Variants in KATNAL2 observed in about 807,000 individuals in gnomAD.
KATNAL2 encodes the protein katanin catalytic subunit A1 like 2, also known as katanin p60 ATPase-containing subunit A-like 2.
KATNAL2 carries 52 observed loss-of-function variants against 76.3 expected under a neutral mutation model. That is an observed-to-expected ratio of 0.68 (90% confidence interval 0.55 to 0.86). The LOEUF is 0.86. Among genes scored for constraint, KATNAL2 ranks in the 40% least tolerant of loss-of-function variants. The pLI, the probability that KATNAL2 is intolerant of heterozygous loss-of-function variation, is 0.00. For missense variants in KATNAL2, 660 were observed against 668.9 expected, an observed-to-expected ratio of 0.99 and a Z score of 0.15; for synonymous variants, 243 against 244.2, an observed-to-expected ratio of 1.00 and a Z score of 0.05.
At chr18:47,032,147 G>T (rs867544366) in intron 3 of KATNAL2, among the ~76,000 whole-genome samples, 3 of 152,216 alleles carry the variant, frequency 2.0e-5, no homozygotes, top group Non-Finnish European at 4.4e-5. Context: ...TGAAAAGTTT[G>T]GGAATGATTC....
intron 10 of KATNAL2, among the ~76,000 whole-genome samples, 166 bp from the exon 11 acceptor site, chr18:47,066,855 A>G (rs1159101282): frequency 1.9e-5 from 1 of 52,396 alleles, no homozygotes; most frequent in East Asian, 7.8e-4. Flanking sequence ...GTTTATATAT[A>G]TATATATATA....
At chr18:47,087,754 G>C (rs759434750) in intron 15 of KATNAL2, among the ~76,000 whole-genome samples, 21 of 44,842 alleles carry the variant, frequency 4.7e-4, no homozygotes, top group Non-Finnish European at 9.4e-4. Context: ...TTTTACATCT[G>C]TGTGTGTGTG....
chr18:46,961,257 G>C (rs1380270186), intron 3 of KATNAL2, among the ~76,000 whole-genome samples: 1 of 135,774 alleles, frequency 7.4e-6, no homozygotes, highest in African/African-American at 2.7e-5. Flanking sequence ...CTTTCCTCAC[G>C]TCTTAAAAAC....
chr18:47,035,314 T>C, intron 3 of KATNAL2: 1 of 1,610,156 alleles, frequency 6.2e-7, no homozygotes, highest in South Asian at 1.1e-5. Flanking sequence ...CAGCTCTGTC[T>C]TTGGGGCTGC....
chr18:47,093,563 GCT>G (rs2063101202), intron 15 of KATNAL2, among the ~76,000 whole-genome samples: 1 of 151,714 alleles, frequency 6.6e-6, no homozygotes, highest in Non-Finnish European at 1.5e-5. Context: ...ACAGGGCCTG[GCT>G]CTGTCACCCA....
At chr18:47,077,737 G>A (rs947618853) in intron 15 of KATNAL2, among the ~76,000 whole-genome samples, 2 of 152,286 alleles carry the variant, frequency 1.3e-5, no homozygotes, top group Middle Eastern at 3.4e-3. Flanking sequence ...TTTAAATTAA[G>A]TAGGACTTTG....
rs1271188359 is a variant in KATNAL2 at position 46,955,167 on chromosome 18, T to TTTCTTTCTTTCTTTCTTTCC, written c.51+8246_51+8265dup. Among the ~76,000 whole-genome samples, 59 of 147,890 alleles carry TTTCTTTCTTTCTTTCTTTCC rather than the reference T, an allele frequency of 4.0e-4. 1 individual carries two copies. Among genetic ancestry groups the TTTCTTTCTTTCTTTCTTTCC allele is most frequent in the Non-Finnish European group, 1.5e-4 (10 of 67,064 alleles). ...CTTTCTTTCTTTCTTTCTTTCTTTC[T>TTTCTTTCTTTCTTTCTTTCC]TTCTTTCTTTCTTTCTTTCCTCTCT... On this transcript the variant is annotated intron_variant, in intron 3 of 17. Transcript: ENST00000683218.
Position 47,035,375 on chromosome 18 carries a change from C to G in KATNAL2, c.52-11082C>G, listed in dbSNP as rs576106599. ...TCCTCGCTGCCCGGTCGCCAGGCAGCGACCTCGGGATGTGGAGTCACAGCC... is the reference window on the plus strand; with the variant it reads ...TCCTCGCTGCCCGGTCGCCAGGCAGGGACCTCGGGATGTGGAGTCACAGCC... On this transcript the variant is annotated intron_variant, in intron 3 of 17. Coordinates refer to ENST00000683218, the MANE Select transcript of KATNAL2 (RefSeq NM_001387690.1). The G allele has an allele frequency of 2.8e-5, 43 of 1,555,974 alleles. No individual in the cohort carries two copies. The East Asian group carries it at 9.9e-4, about 36-fold the overall frequency.
chr18:46,946,557 C>T lies in KATNAL2; in HGVS notation c.-20+11C>T, dbSNP rs949698163. 4.1e-6 allele frequency: 4 copies of T among 985,322 alleles called. No homozygotes were observed. The African/African-American group carries it at 7.0e-5, about 17-fold the overall frequency. The allele number at this position is 985,322 out of a possible 1,614,324, so 61.0% of individuals were successfully genotyped here. ...AGGACAAATATTATGGTACATGGCC[C>T]TGGGTCAGCTTGTATTTTAGAAACG... On this transcript the variant is annotated intron_variant, in intron 2 of 17. Coordinates refer to ENST00000683218, the MANE Select transcript of KATNAL2 (RefSeq NM_001387690.1).
At chr18:47,093,383 C>T (rs930759812) in intron 15 of KATNAL2, among the ~76,000 whole-genome samples, 1 of 150,176 alleles carries the variant, frequency 6.7e-6, no homozygotes, top group Non-Finnish European at 1.5e-5. Context: ...TGATATCCTC[C>T]CTTCTGTTTT....
At chr18:47,035,453 C>G in intron 3 of KATNAL2, 1 of 1,279,828 alleles carries the variant, frequency 7.8e-7, no homozygotes, top group Non-Finnish European at 1.1e-6. Flanking sequence ...GAACGGCCGT[C>G]CTTGCAGACA....
At chr18:47,100,383 T>C in intron 17 of KATNAL2, 27 bp downstream of exon 17, 1 of 1,561,754 alleles carries the variant, frequency 6.4e-7, no homozygotes, top group South Asian at 1.1e-5. Context: ...CATGAAGGTG[T>C]TCCAGGAATT....
intron 7 of KATNAL2, 60 bp downstream of exon 7, chr18:47,058,412 A>G: frequency 4.3e-6 from 4 of 927,786 alleles, no homozygotes; most frequent in Non-Finnish European, 6.9e-6. Context: ...TAGCCCTATG[A>G]AAAAGGTCAC....
intron 3 of KATNAL2, chr18:47,033,104 C>T (rs573481393): frequency 1.2e-6 from 2 of 1,614,108 alleles, no homozygotes; most frequent in African/African-American, 1.3e-5. Flanking sequence ...GCGGGCGCCG[C>T]GTGCTCATTG....
At chr18:46,932,828 G>A (rs1373926202) in intron 1 of KATNAL2, among the ~76,000 whole-genome samples, 3 of 151,640 alleles carry the variant, frequency 2.0e-5, no homozygotes, top group South Asian at 2.1e-4. Flanking sequence ...GCAATGGTGC[G>A]ATCTCAGCTC....
intron 1 of KATNAL2, among the ~76,000 whole-genome samples, chr18:46,936,551 G>A (rs1003620372): frequency 1.3e-5 from 2 of 152,152 alleles, no homozygotes; most frequent in Non-Finnish European, 2.9e-5. Context: ...ACCAGCTTGG[G>A]CAACATAGCG....
intron 3 of KATNAL2, among the ~76,000 whole-genome samples, chr18:47,043,143 C>A (rs901836058): frequency 6.7e-6 from 1 of 149,270 alleles, no homozygotes; most frequent in Admixed American, 6.9e-5. Flanking sequence ...AGGTGAATGG[C>A]GTGAACGCGG....
chr18:47,079,414 A>G (rs1367794631), intron 15 of KATNAL2, among the ~76,000 whole-genome samples: 2 of 145,988 alleles, frequency 1.4e-5, no homozygotes, highest in Non-Finnish European at 3.0e-5. Context: ...TTTTTTTTTG[A>G]GATGGATCCT....
chr18:46,925,244 G>C (rs2058693042), intron 1 of KATNAL2, among the ~76,000 whole-genome samples: 1 of 152,194 alleles, frequency 6.6e-6, no homozygotes, highest in South Asian at 2.1e-4. Flanking sequence ...TTATTATTTT[G>C]AGATACGTCC....
Sources: gnomAD v4.1 joint callset for allele counts (sites outside exome capture counted in the v4.1 genomes callset) on GRCh38, gnomAD v4.1.1 for gene constraint, MANE v1.5 for transcripts, NCBI Gene and HGNC (gene_info 2026-07-23, HGNC 2026-07-21) for gene names.